The following ADAMTSL1 variants were observed in gnomAD, a reference collection of about 807,000 sequenced individuals.
The protein encoded by ADAMTSL1 is ADAMTS-like protein 1.
ADAMTSL1 carries 126 observed loss-of-function variants against 201.8 expected under a neutral mutation model. The ratio of observed to expected loss-of-function variants is 0.62; its 90% CI spans 0.54 to 0.72. The LOEUF (loss-of-function observed/expected upper bound fraction) is 0.72. Among genes scored for constraint, ADAMTSL1 ranks in the 30% least tolerant of loss-of-function variants. ADAMTSL1 has a pLI of 0.00. For missense variants in ADAMTSL1, 2,679 were observed against 2,277.8 expected, an observed-to-expected ratio of 1.18 and a Z score of -3.59; for synonymous variants, 1,121 against 903.4, an observed-to-expected ratio of 1.24 and a Z score of -4.32.
rs192484838 is a variant in ADAMTSL1 at position 18,564,141 on chromosome 9, G to A, written c.238-9889G>A. On this transcript the variant is annotated intron_variant, in intron 3 of 28. Coordinates refer to ENST00000380548, the MANE Select transcript of ADAMTSL1 (RefSeq NM_001040272.6). ...GCTTGAAACCCTGGGCCCTGGTTGCGTGGGCACCTGAGAGAATATCCTGGT... is the reference window on the plus strand; with the variant it reads ...GCTTGAAACCCTGGGCCCTGGTTGCATGGGCACCTGAGAGAATATCCTGGT... Among the ~76,000 whole-genome samples, 285 of 152,320 alleles carry A rather than the reference G, an allele frequency of 1.9e-3. 1 individual carries two copies. The highest frequency in any genetic ancestry group is 7.0e-3 in the Admixed American group (107 of 15,312).
At chr9:18,254,029 G>T (rs773684992) in intron 2 of ADAMTSL1, among the ~76,000 whole-genome samples, 2 of 152,066 alleles carry the variant, frequency 1.3e-5, no homozygotes, top group African/African-American at 4.8e-5. Flanking sequence ...AGATATCATC[G>T]TGTTTGGGAG....
At chr9:18,633,682 A>G (rs1486287685) in intron 5 of ADAMTSL1, among the ~76,000 whole-genome samples, 1 of 123,580 alleles carries the variant, frequency 8.1e-6, no homozygotes, top group East Asian at 2.8e-4. Context: ...TTCCCCTTAC[A>G]CTTTTTTCTG....
At chr9:18,402,626 C>A (rs780364851) in intron 2 of ADAMTSL1, among the ~76,000 whole-genome samples, 9 of 152,162 alleles carry the variant, frequency 5.9e-5, no homozygotes, top group Admixed American at 2.6e-4. Flanking sequence ...CCCTCTGTTT[C>A]CAGCCTTTCT....
intron 2 of ADAMTSL1, among the ~76,000 whole-genome samples, chr9:18,299,345 C>G (rs953721391): frequency 5.9e-5 from 9 of 152,138 alleles, no homozygotes; most frequent in Non-Finnish European, 8.8e-5. Context: ...AGAGAAAATA[C>G]TTTATCACAA....
At chr9:18,400,757 A>C (rs1466278505) in intron 2 of ADAMTSL1, among the ~76,000 whole-genome samples, 1 of 152,076 alleles carries the variant, frequency 6.6e-6, no homozygotes, top group Non-Finnish European at 1.5e-5. Flanking sequence ...CTCATTATTC[A>C]CGTATTTCTG....
At chr9:18,726,292 C>T (rs1471603979) in intron 15 of ADAMTSL1, among the ~76,000 whole-genome samples, 2 of 152,130 alleles carry the variant, frequency 1.3e-5, no homozygotes, top group South Asian at 2.1e-4. Flanking sequence ...TGCTTAAGAT[C>T]GGGAGTTCAA....
chr9:18,093,049 G>C (rs1824095685), intron 1 of ADAMTSL1, among the ~76,000 whole-genome samples: 1 of 152,166 alleles, frequency 6.6e-6, no homozygotes, highest in Non-Finnish European at 1.5e-5. Context: ...GATTATGGAG[G>C]CCTCATGGTA....
chr9:18,681,004 G>C (rs1393579862), intron 11 of ADAMTSL1: 1 of 152,986 alleles, frequency 6.5e-6, no homozygotes, highest in African/African-American at 2.4e-5. Flanking sequence ...TTGGAACGAA[G>C]TAAGATAATT....
chr9:18,580,471 A>G (rs1458724360), intron 4 of ADAMTSL1, among the ~76,000 whole-genome samples: 8 of 152,176 alleles, frequency 5.3e-5, no homozygotes, highest in Admixed American at 2.0e-4. Flanking sequence ...GTACTTTATA[A>G]TCTAATTCCA....
chr9:18,495,889 C>T (rs909231397), intron 1 of ADAMTSL1, among the ~76,000 whole-genome samples: 3 of 152,160 alleles, frequency 2.0e-5, no homozygotes, highest in African/African-American at 7.2e-5. Flanking sequence ...TTTATGCTTA[C>T]TCTATGCCCT....
intron 2 of ADAMTSL1, among the ~76,000 whole-genome samples, chr9:18,423,503 G>T (rs1819056934): frequency 6.6e-6 from 1 of 152,202 alleles, no homozygotes; most frequent in Non-Finnish European, 1.5e-5. Flanking sequence ...AGTCATTTAA[G>T]TGAATATGTA....
At position 18,170,713 on chromosome 9, in the gene ADAMTSL1, T is replaced by C. The variant is rs75076274; in HGVS notation, c.207+6732T>C. 5.5e-3 allele frequency among the ~76,000 whole-genome samples: 842 copies of C among 152,150 alleles called. 13 individuals are homozygous for C. Among genetic ancestry groups the C allele is most frequent in the African/African-American group, 0.019 (793 of 41,540 alleles). ...CAAACAGCTTCCATTTTTTATTGTTTGAGATAGTAAACTACTGGTTAGCAG... is the reference window on the plus strand; with the variant it reads ...CAAACAGCTTCCATTTTTTATTGTTCGAGATAGTAAACTACTGGTTAGCAG... On this transcript the variant is annotated intron_variant, in intron 2 of 29. Coordinates refer to the ADAMTSL1 transcript ENST00000680146.
At chr9:18,539,908 C>T (rs962888047) in intron 3 of ADAMTSL1, among the ~76,000 whole-genome samples, 1 of 152,036 alleles carries the variant, frequency 6.6e-6, no homozygotes, top group Non-Finnish European at 1.5e-5. Context: ...TCCTGTTGGC[C>T]GGCCTAGAAG....
chr9:18,405,768 A>G (rs923810919), intron 2 of ADAMTSL1, among the ~76,000 whole-genome samples: 3 of 152,234 alleles, frequency 2.0e-5, no homozygotes, highest in Non-Finnish European at 4.4e-5. Context: ...GAAGACCTTT[A>G]AAAAGACAGG....
chr9:18,880,236 ACC>A (rs1309332178), intron 23 of ADAMTSL1, among the ~76,000 whole-genome samples: 18 of 152,120 alleles, frequency 1.2e-4, no homozygotes, highest in Non-Finnish European at 7.4e-5. Context: ...TGGTATTTTG[ACC>A]TCCTCCCATG....
intron 2 of ADAMTSL1, among the ~76,000 whole-genome samples, chr9:18,284,954 A>G (rs1029048914): frequency 1.3e-5 from 2 of 152,176 alleles, no homozygotes; most frequent in Non-Finnish European, 2.9e-5. Context: ...ACTATTGAAC[A>G]TTTTGGTCAC....
chr9:18,131,574 C>G (rs1265732063), intron 1 of ADAMTSL1, among the ~76,000 whole-genome samples: 1 of 152,192 alleles, frequency 6.6e-6, no homozygotes, highest in Non-Finnish European at 1.5e-5. Context: ...TTACTCTCTT[C>G]TTGACATTTT....
chr9:18,125,884 G>C (rs1257678771), intron 1 of ADAMTSL1, among the ~76,000 whole-genome samples: 2 of 152,184 alleles, frequency 1.3e-5, no homozygotes, highest in African/African-American at 4.8e-5. Context: ...GCAGTATGCT[G>C]AGAAAGGGCA....
chr9:18,156,661 C>CACAA (rs1827168601), intron 1 of ADAMTSL1, among the ~76,000 whole-genome samples: 1 of 151,232 alleles, frequency 6.6e-6, no homozygotes, highest in South Asian at 2.1e-4. Flanking sequence ...CACACACACA[C>CACAA]ATGCTTTGAA....
Sources: gnomAD v4.1 joint callset for allele counts (sites outside exome capture counted in the v4.1 genomes callset) on GRCh38, gnomAD v4.1.1 for gene constraint, MANE v1.5 for transcripts, NCBI Gene and HGNC (gene_info 2026-07-23, HGNC 2026-07-21) for gene names.